BMPER: variants seen among roughly 807,000 people sequenced by gnomAD.
The protein encoded by BMPER is BMP binding endothelial regulator.
Under a neutral mutation model 87.3 loss-of-function variants are expected in BMPER, and 45 were observed. That is an observed-to-expected ratio of 0.52 (90% CI 0.41 to 0.66). BMPER has a LOEUF of 0.66. BMPER is among the 30% of genes least tolerant of loss of function. The probability of loss-of-function intolerance (pLI) is 0.00; values close to 1 mark genes in which losing one functional copy is unlikely to be tolerated. For missense variants in BMPER, 784 were observed against 867.5 expected, an observed-to-expected ratio of 0.90 and a Z score of 1.21; for synonymous variants, 326 against 316.2, an observed-to-expected ratio of 1.03 and a Z score of -0.33.
At chr7:34,086,710 A>G (rs904116388) in intron 13 of BMPER, among the ~76,000 whole-genome samples, 1 of 152,268 alleles carries the variant, frequency 6.6e-6, no homozygotes, top group Non-Finnish European at 1.5e-5. Flanking sequence ...TCAGGACTCC[A>G]TAACCTTTTC....
At chr7:34,082,849 C>G (rs1789090611) in intron 12 of BMPER, among the ~76,000 whole-genome samples, 1 of 151,982 alleles carries the variant, frequency 6.6e-6, no homozygotes, top group South Asian at 2.1e-4. Context: ...TGCCTGCTGT[C>G]TAGGAAAGAG....
At chr7:34,035,775 C>T (rs1321088881) in intron 6 of BMPER, among the ~76,000 whole-genome samples, 2 of 152,218 alleles carry the variant, frequency 1.3e-5, no homozygotes, top group Non-Finnish European at 2.9e-5. Context: ...GGCTTCTGCC[C>T]TCTGTGAACC....
chr7:33,916,783 G>T (rs1280579539), intron 2 of BMPER, among the ~76,000 whole-genome samples: 1 of 152,190 alleles, frequency 6.6e-6, no homozygotes, highest in African/African-American at 2.4e-5. Context: ...GCTTCAGCAA[G>T]AGGTCCACAA....
chr7:33,945,296 G>A (rs1048896093), intron 3 of BMPER, among the ~76,000 whole-genome samples: 4 of 144,248 alleles, frequency 2.8e-5, no homozygotes, highest in Non-Finnish European at 6.0e-5. Context: ...TGTCACCCAG[G>A]CTGTAGTGCA....
At chr7:34,019,991 G>A (rs1430403477) in intron 6 of BMPER, among the ~76,000 whole-genome samples, 1 of 148,088 alleles carries the variant, frequency 6.8e-6, no homozygotes, top group Non-Finnish European at 1.5e-5. Flanking sequence ...TCTGGAAAAT[G>A]TCAGAGGAAT....
At chr7:33,919,923 A>ATATCTATCTGTC (rs1784173716) in intron 2 of BMPER, among the ~76,000 whole-genome samples, 1 of 150,712 alleles carries the variant, frequency 6.6e-6, no homozygotes, top group Non-Finnish European at 1.5e-5. Context: ...ATCTGTGTAC[A>ATATCTATCTGTC]TATCTATCTA....
At chr7:34,017,629 G>A (rs1317431141) in intron 6 of BMPER, among the ~76,000 whole-genome samples, 1 of 151,906 alleles carries the variant, frequency 6.6e-6, no homozygotes, top group Non-Finnish European at 1.5e-5. Flanking sequence ...ATGTTTGAGA[G>A]CCATTGAATT....
rs371515372 is a variant in BMPER at position 33,965,393 on chromosome 7, A to AT, written c.320-1075dup. Among the ~76,000 whole-genome samples, 171 of 147,626 alleles carry AT rather than the reference A, an allele frequency of 1.2e-3. 1 individual carries two copies. The highest frequency in any genetic ancestry group is 9.9e-3 in the South Asian group (46 of 4,632). ...ATTCTGCTTGAATGTATTAACAGGGATTTTTTTTTTTAACCACAGCATTAT... is the reference window on the plus strand; with the variant it reads ...ATTCTGCTTGAATGTATTAACAGGGATTTTTTTTTTTTAACCACAGCATTAT... On this transcript the variant is annotated intron_variant, in intron 3 of 14. Coordinates refer to ENST00000649409, the MANE Select transcript of BMPER (RefSeq NM_001365308.1).
intron 13 of BMPER, among the ~76,000 whole-genome samples, chr7:34,111,806 C>T (rs1269778284): frequency 6.6e-6 from 1 of 152,114 alleles, no homozygotes; most frequent in Non-Finnish European, 1.5e-5. Flanking sequence ...CTCTGCCCCC[C>T]AGGTTCAAGT....
chr7:34,070,558 T>G (rs549410611), intron 11 of BMPER, among the ~76,000 whole-genome samples: 2 of 152,236 alleles, frequency 1.3e-5, no homozygotes, highest in Admixed American at 6.5e-5. Flanking sequence ...CAAACTTAGC[T>G]TTCACAGAAA....
At chr7:34,024,391 ATATATATATATATATATATATATATATAT>A (rs2127947689) in intron 6 of BMPER, among the ~76,000 whole-genome samples, 7 of 12,698 alleles carry the variant, frequency 5.5e-4, no homozygotes, top group Non-Finnish European at 8.7e-4. Flanking sequence ...AACAATATAT[ATATATATATATATATATATATATATATAT>A]ATATATATAT....
At chr7:33,949,147 A>AT (rs140613946) in intron 3 of BMPER, among the ~76,000 whole-genome samples, 28 of 150,480 alleles carry the variant, frequency 1.9e-4, no homozygotes, top group South Asian at 8.5e-4. Flanking sequence ...CCTCAACTCA[A>AT]TTTTTTTTTT....
intron 13 of BMPER, among the ~76,000 whole-genome samples, chr7:34,109,868 A>G (rs1789915927): frequency 6.6e-6 from 1 of 152,216 alleles, no homozygotes; most frequent in Non-Finnish European, 1.5e-5. Flanking sequence ...GGTTAGTTCT[A>G]TTCCACTTGC....
intron 3 of BMPER, among the ~76,000 whole-genome samples, chr7:33,957,766 T>C (rs912663168): frequency 1.3e-5 from 2 of 152,208 alleles, no homozygotes; most frequent in African/African-American, 4.8e-5. Flanking sequence ...TGTGAATCTA[T>C]ATTTCAGAAT....
At chr7:34,140,134 C>T (rs1246392968) in intron 13 of BMPER, among the ~76,000 whole-genome samples, 3 of 152,192 alleles carry the variant, frequency 2.0e-5, no homozygotes, top group Admixed American at 2.0e-4. Flanking sequence ...GAGTAAATTA[C>T]TTAACTTCTT....
At chr7:33,989,947 AG>A (rs1187433857) in intron 6 of BMPER, among the ~76,000 whole-genome samples, 4 of 152,062 alleles carry the variant, frequency 2.6e-5, no homozygotes, top group Non-Finnish European at 5.9e-5. Context: ...GTTATTTCTG[AG>A]GGTTCTGTTC....
chr7:34,032,352 AG>A (rs759146421), intron 6 of BMPER, among the ~76,000 whole-genome samples: 1 of 152,100 alleles, frequency 6.6e-6, no homozygotes, highest in East Asian at 1.9e-4. Flanking sequence ...TCGTGTCATC[AG>A]GAAGTAGGGT....
intron 6 of BMPER, among the ~76,000 whole-genome samples, chr7:34,042,044 A>T (rs578057470): frequency 6.6e-6 from 1 of 152,146 alleles, no homozygotes; most frequent in African/African-American, 2.4e-5. Context: ...CTGTTGTTTT[A>T]TCGTCTTGAA....
intron 3 of BMPER, among the ~76,000 whole-genome samples, chr7:33,958,395 A>G (rs760691126): frequency 7.1e-4 from 108 of 152,232 alleles, no homozygotes; most frequent in Non-Finnish European, 1.1e-3. Context: ...CCCAAGGCTT[A>G]GCATAGTTGG....
Sources: allele counts gnomAD v4.1 joint callset (sites outside exome capture counted in the v4.1 genomes callset), GRCh38; gene constraint gnomAD v4.1.1; transcripts MANE v1.5; gene names NCBI Gene and HGNC (gene_info 2026-07-23, HGNC 2026-07-21).